The following RAD18 variants were observed in gnomAD, a reference collection of about 807,000 sequenced individuals.
RAD18 encodes the protein RAD18 E3 ubiquitin protein ligase, also known as E3 ubiquitin-protein ligase RAD18.
A neutral mutation model predicts 60.4 loss-of-function variants in RAD18; 47 were observed. The observed-to-expected ratio is 0.78, with a 90% confidence interval of 0.62 to 0.99. RAD18 has a LOEUF of 0.99. Among genes scored for constraint, RAD18 ranks in the 50% least tolerant of loss-of-function variants. RAD18 has a pLI of 0.00. For missense variants in RAD18, 640 were observed against 593.3 expected, an observed-to-expected ratio of 1.08 and a Z score of -0.82; for synonymous variants, 225 against 195.5, an observed-to-expected ratio of 1.15 and a Z score of -1.26.
chr3:8,958,810 G>C (rs750899723), intron 2 of RAD18, 110 bp downstream of exon 2: 141 of 831,518 alleles, frequency 1.7e-4, no homozygotes, highest in Non-Finnish European at 1.9e-4. Context: ...CTACAAGATA[G>C]AAGAGCTAAA....
intron 2 of RAD18, 67 bp from the exon 3 acceptor site, chr3:8,948,637 A>G: frequency 7.3e-7 from 1 of 1,361,596 alleles, no homozygotes; most frequent in South Asian, 1.2e-5. Context: ...TATGACTTCT[A>G]ACAAAATCTT....
chr3:8,913,860 C>A, intron 7 of RAD18, 140 bp from the exon 8 acceptor site: 1 of 501,820 alleles, frequency 2.0e-6, no homozygotes, highest in Non-Finnish European at 3.3e-6. Flanking sequence ...TACAATTTTT[C>A]TGTGAATCAA....
At chr3:8,938,292 T>C (rs192284822) in intron 6 of RAD18, among the ~76,000 whole-genome samples, 9 of 152,330 alleles carry the variant, frequency 5.9e-5, no homozygotes, top group Admixed American at 3.9e-4. Context: ...TTGTGTCTTA[T>C]ATGTTAGCTT....
chr3:8,885,957 T>C (rs932984187), intron 12 of RAD18, among the ~76,000 whole-genome samples: 1 of 152,236 alleles, frequency 6.6e-6, no homozygotes, highest in African/African-American at 2.4e-5. Flanking sequence ...GAGAAAGTTA[T>C]TGAAATCAGT....
intron 7 of RAD18, among the ~76,000 whole-genome samples, chr3:8,931,989 A>C (rs1940568793): frequency 2.0e-5 from 3 of 152,224 alleles, no homozygotes; most frequent in African/African-American, 7.2e-5. Flanking sequence ...TCCACCATAC[A>C]GAAAAACTAA....
At chr3:8,930,561 A>G (rs1940535641) in intron 7 of RAD18, among the ~76,000 whole-genome samples, 1 of 152,340 alleles carries the variant, frequency 6.6e-6, no homozygotes, top group Non-Finnish European at 1.5e-5. Flanking sequence ...TCTCAGTATT[A>G]TATGAATTAT....
intron 2 of RAD18, among the ~76,000 whole-genome samples, chr3:8,950,503 T>C (rs1940910154): frequency 6.6e-6 from 1 of 152,172 alleles, no homozygotes; most frequent in African/African-American, 2.4e-5. Context: ...GGAGCGTTAG[T>C]AACATTCACA....
In RAD18 at chr3:8,880,139, G is replaced by A. The variant is rs919766708; in HGVS notation, c.*1218C>T. On this transcript the variant is annotated 3_prime_UTR_variant, in exon 13 of 13. Transcript: ENST00000264926. ...TTTCTATAGCCATTTCTAACACAGGGAACTCATAAAGAAATCAAATGTCTG... is the reference window on the plus strand; with the variant it reads ...TTTCTATAGCCATTTCTAACACAGGAAACTCATAAAGAAATCAAATGTCTG... 2 of 152,046 alleles carry A rather than the reference G, an allele frequency of 1.3e-5. No homozygotes were observed. The highest frequency in any genetic ancestry group is 4.8e-5 in the African/African-American group (2 of 41,386). The allele number at this position is 152,046 out of a possible 1,614,324, so 9.4% of individuals were successfully genotyped here.
chr3:8,963,280 G>C, intron 1 of RAD18, 55 bp downstream of exon 1: 1 of 1,532,280 alleles, frequency 6.5e-7, no homozygotes, highest in East Asian at 2.5e-5. Context: ...TCCTCAAAGG[G>C]AGGGACCTCC....
At chr3:8,934,253 A>G (rs1054431222) in intron 7 of RAD18, among the ~76,000 whole-genome samples, 9 of 152,358 alleles carry the variant, frequency 5.9e-5, no homozygotes, top group Admixed American at 2.0e-4. Context: ...GCACTGATCA[A>G]AAGGAAAAAT....
intron 9 of RAD18, among the ~76,000 whole-genome samples, chr3:8,907,280 AT>A (rs1441288328): frequency 6.6e-6 from 1 of 151,634 alleles, no homozygotes; most frequent in Non-Finnish European, 1.5e-5. Flanking sequence ...TGTTTTGTAC[AT>A]TCATTTTGCT....
intron 11 of RAD18, among the ~76,000 whole-genome samples, chr3:8,896,487 G>T (rs79111377): frequency 0.015 from 2,295 of 152,240 alleles, 63 homozygotes; most frequent in African/African-American, 0.053. Context: ...CATTCATTAG[G>T]ATCATGAGAT....
intron 7 of RAD18, among the ~76,000 whole-genome samples, chr3:8,916,561 G>T (rs548742992): frequency 6.6e-6 from 1 of 152,150 alleles, no homozygotes; most frequent in East Asian, 1.9e-4. Flanking sequence ...AGCAAATTAT[G>T]ATTAAGATGA....
intron 10 of RAD18, among the ~76,000 whole-genome samples, chr3:8,899,458 A>G (rs1391770636): frequency 3.3e-5 from 5 of 152,210 alleles, no homozygotes; most frequent in African/African-American, 1.2e-4. Flanking sequence ...TGCTACTATT[A>G]TATGATAGTG....
intron 12 of RAD18, among the ~76,000 whole-genome samples, chr3:8,883,494 C>T (rs1462875084): frequency 2.0e-5 from 3 of 152,210 alleles, no homozygotes; most frequent in Non-Finnish European, 4.4e-5. Context: ...GTTCCTTAGA[C>T]ATCTGGAACC....
rs71049754 is a variant in RAD18, at chr3:8,893,693, ATT to A, written c.1323-3244_1323-3243del. ...TACTTTGTACACATTAGCTTTTTTA[ATT>A]TTTTTTTTTTTTTTTTTTTTGAGAC... On this transcript the variant is annotated intron_variant, in intron 11 of 12. Coordinates refer to ENST00000264926, the MANE Select transcript of RAD18 (RefSeq NM_020165.4). Among the ~76,000 whole-genome samples, 958 of 104,768 alleles carry A rather than the reference ATT, an allele frequency of 9.1e-3. 8 individuals are homozygous for A. Among genetic ancestry groups the A allele is most frequent in the African/African-American group, 0.022 (665 of 30,768 alleles). 68.7% of individuals were successfully genotyped at this position (104,768 alleles called of 152,430 possible). A position where few individuals can be genotyped will look rare whatever the true frequency, so the allele number is the denominator to read the frequency against.
intron 11 of RAD18, among the ~76,000 whole-genome samples, chr3:8,894,676 T>C (rs991878627): frequency 1.3e-5 from 2 of 151,800 alleles, no homozygotes; most frequent in Admixed American, 1.3e-4. Context: ...CACAGTATCT[T>C]GGACAAAGAT....
Position 8,938,727 on chromosome 3 carries a change from A to AT in RAD18, c.704+826dup, listed in dbSNP as rs563677999. 2.0e-4 allele frequency among the ~76,000 whole-genome samples: 30 copies of AT among 152,234 alleles called. No homozygotes were observed. The East Asian group carries it at 5.6e-3, about 28-fold the overall frequency. On this transcript the variant is annotated intron_variant, in intron 6 of 12. Transcript: ENST00000264926. ...AAAGAGACTGAAGGCTTAAACTCCT[A>AT]TTTTTAAAAAGAACAACCCTTGATC...
chr3:8,931,243 A>C (rs1159486032), intron 7 of RAD18, among the ~76,000 whole-genome samples: 1 of 152,222 alleles, frequency 6.6e-6, no homozygotes, highest in Admixed American at 6.5e-5. Flanking sequence ...AGAAATAAAA[A>C]TTTTAAAACT....
Sources: allele counts gnomAD v4.1 joint callset (sites outside exome capture counted in the v4.1 genomes callset), GRCh38; gene constraint gnomAD v4.1.1; transcripts MANE v1.5; gene names NCBI Gene and HGNC (gene_info 2026-07-23, HGNC 2026-07-21).